The following ARHGAP42 variants were observed in gnomAD, a reference collection of about 807,000 sequenced individuals.
ARHGAP42 encodes the protein Rho GTPase activating protein 42.
Under a neutral mutation model 125.0 loss-of-function variants are expected in ARHGAP42, and 63 were observed. The observed-to-expected ratio is 0.50, with a 90% CI of 0.41 to 0.62. ARHGAP42 has a LOEUF of 0.62. Ranked by LOEUF, ARHGAP42 falls within the 20% of genes least tolerant of loss-of-function variation. ARHGAP42 has a pLI of 0.00. For synonymous variants in ARHGAP42, 339 were observed against 351.0 expected (o/e 0.97, Z 0.38); for missense variants, 766 against 1,024.2 (o/e 0.75, Z 3.44).
chr11:100,765,150 G>T (rs7927197), intron 1 of ARHGAP42, among the ~76,000 whole-genome samples: 39,196 of 152,056 alleles, frequency 0.26, 5,289 homozygotes, highest in Non-Finnish European at 0.29. Flanking sequence ...TAGCTTGGTA[G>T]GAGTTTTTAT....
chr11:100,765,518 G>T (rs1005625725), intron 1 of ARHGAP42, among the ~76,000 whole-genome samples: 2 of 152,078 alleles, frequency 1.3e-5, no homozygotes, highest in South Asian at 4.2e-4. Flanking sequence ...TAGTTCTTGC[G>T]GCTATTGTGA....
At chr11:100,713,185 G>A (rs1229262109) in intron 1 of ARHGAP42, among the ~76,000 whole-genome samples, 1 of 152,180 alleles carries the variant, frequency 6.6e-6, no homozygotes, top group Non-Finnish European at 1.5e-5. Flanking sequence ...TTTAAGTAGA[G>A]AACCTATAGT....
At chr11:100,970,570 T>G (rs1858213624) in intron 17 of ARHGAP42, among the ~76,000 whole-genome samples, 2 of 151,736 alleles carry the variant, frequency 1.3e-5, no homozygotes, top group Admixed American at 6.6e-5. Context: ...TTCCAGCTCC[T>G]TGCCAGGTCA....
intron 4 of ARHGAP42, 36 bp downstream of exon 4, chr11:100,859,661 C>G: frequency 3.0e-6 from 4 of 1,337,052 alleles, no homozygotes; most frequent in Non-Finnish European, 4.0e-6. Context: ...CAGTTATTCT[C>G]CTGATAATTA....
rs188023174 is a variant in ARHGAP42 at position 100,794,140 on chromosome 11, C to A, written c.251-965C>A. ...CATAGAAGAGGTTTATTTGTGTTAC[C>A]ATTTTTGTGACCCAAACATTCTAAC... On this transcript the variant is annotated intron_variant, in intron 2 of 23. Coordinates refer to ENST00000298815, the MANE Select transcript of ARHGAP42 (RefSeq NM_152432.4). Among the ~76,000 whole-genome samples, 41 of 133,802 alleles carry A rather than the reference C, an allele frequency of 3.1e-4. No homozygotes were observed. The Middle Eastern group carries it at 0.013, about 43-fold the overall frequency. The allele number at this position is 133,802 out of a possible 152,430, so 87.8% of individuals were successfully genotyped here. A position where few individuals can be genotyped will look rare whatever the true frequency, so the allele number is the denominator to read the frequency against.
At chr11:100,845,104 C>T (rs1179711379) in intron 3 of ARHGAP42, among the ~76,000 whole-genome samples, 3 of 151,988 alleles carry the variant, frequency 2.0e-5, no homozygotes, top group East Asian at 1.9e-4. Context: ...CACACACACA[C>T]ATGTATACAT....
chr11:100,739,511 A>C (rs1862134625), intron 1 of ARHGAP42, among the ~76,000 whole-genome samples: 1 of 152,196 alleles, frequency 6.6e-6, no homozygotes, highest in Non-Finnish European at 1.5e-5. Context: ...AGATAAAAAT[A>C]CTCTAATTTG....
chr11:100,790,332 T>A (rs2135024898), intron 2 of ARHGAP42, among the ~76,000 whole-genome samples: 1 of 125,908 alleles, frequency 7.9e-6, no homozygotes, highest in East Asian at 2.0e-4. Flanking sequence ...ATAAATAGAC[T>A]TCAGTAATAG....
intron 5 of ARHGAP42, among the ~76,000 whole-genome samples, chr11:100,916,828 A>G (rs1167535276): frequency 6.6e-6 from 1 of 152,184 alleles, no homozygotes; most frequent in Admixed American, 6.5e-5. Context: ...AAACATCTGA[A>G]ATGTCACAAA....
At chr11:100,828,434 G>A (rs1426009118) in intron 3 of ARHGAP42, among the ~76,000 whole-genome samples, 12 of 152,132 alleles carry the variant, frequency 7.9e-5, no homozygotes, top group African/African-American at 1.4e-4. Context: ...TTTGTTCAAG[G>A]AAACTACCTC....
intron 2 of ARHGAP42, among the ~76,000 whole-genome samples, chr11:100,781,550 C>T (rs1211108864): frequency 1.3e-5 from 2 of 151,968 alleles, no homozygotes; most frequent in Admixed American, 6.6e-5. Context: ...TACCAAGCAC[C>T]GAGAATTTGT....
chr11:100,753,802 G>A (rs1862513603), intron 1 of ARHGAP42, among the ~76,000 whole-genome samples: 1 of 152,156 alleles, frequency 6.6e-6, no homozygotes. Flanking sequence ...CAGCTTTCCC[G>A]GTGGTAATGT....
chr11:100,860,781 T>C (rs1403855869), intron 4 of ARHGAP42, among the ~76,000 whole-genome samples: 1 of 152,172 alleles, frequency 6.6e-6, no homozygotes, highest in African/African-American at 2.4e-5. Context: ...CATAAGAAGT[T>C]AACACAGTTT....
At chr11:100,759,370 C>T (rs900056239) in intron 1 of ARHGAP42, among the ~76,000 whole-genome samples, 4 of 152,102 alleles carry the variant, frequency 2.6e-5, no homozygotes, top group Non-Finnish European at 4.4e-5. Context: ...GGCTTCTTAT[C>T]TCTAATTGCT....
intron 2 of ARHGAP42, among the ~76,000 whole-genome samples, chr11:100,784,241 T>C (rs879640324): frequency 4.6e-5 from 7 of 152,224 alleles, no homozygotes; most frequent in Non-Finnish European, 8.8e-5. Flanking sequence ...CTAAGTTACA[T>C]AGGCACGTAC....
intron 1 of ARHGAP42, among the ~76,000 whole-genome samples, chr11:100,719,118 AT>A (rs1207087185): frequency 6.6e-6 from 1 of 152,234 alleles, no homozygotes; most frequent in East Asian, 1.9e-4. Flanking sequence ...AAAACTTAGA[AT>A]AAGAGCATTT....
intron 12 of ARHGAP42, among the ~76,000 whole-genome samples, chr11:100,959,332 A>C (rs1235537126): frequency 6.6e-6 from 1 of 152,066 alleles, no homozygotes; most frequent in East Asian, 1.9e-4. Flanking sequence ...CATGTTTTGA[A>C]TTATTTTAAA....
intron 17 of ARHGAP42, among the ~76,000 whole-genome samples, chr11:100,967,753 C>T (rs139055236): frequency 0.093 from 14,075 of 152,010 alleles, 936 homozygotes; most frequent in Non-Finnish European, 0.13. Context: ...CTCGCTCTGT[C>T]GCCAGGCTGG....
chr11:100,764,474 C>T (rs913895586), intron 1 of ARHGAP42, among the ~76,000 whole-genome samples: 4 of 152,088 alleles, frequency 2.6e-5, no homozygotes, highest in African/African-American at 7.2e-5. Context: ...GAGCACTGGC[C>T]CTCATAGCTT....
Sources: allele counts gnomAD v4.1 joint callset (sites outside exome capture counted in the v4.1 genomes callset), GRCh38; gene constraint gnomAD v4.1.1; transcripts MANE v1.5; gene names NCBI Gene and HGNC (gene_info 2026-07-23, HGNC 2026-07-21).